Variants in KCTD3 observed in about 807,000 individuals in gnomAD.
KCTD3 encodes the protein BTB/POZ domain-containing protein KCTD3.
Under a neutral mutation model 85.8 loss-of-function variants are expected in KCTD3, and 41 were observed. The ratio of observed to expected loss-of-function variants is 0.48; its 90% CI spans 0.37 to 0.62. KCTD3 has a LOEUF of 0.62. Ranked by LOEUF, KCTD3 falls within the 20% of genes least tolerant of loss-of-function variation. The pLI, the probability that KCTD3 is intolerant of heterozygous loss-of-function variation, is 0.00. For synonymous variants in KCTD3, 338 were observed against 345.4 expected (o/e 0.98, Z 0.24); for missense variants, 724 against 989.9 (o/e 0.73, Z 3.60).
chr1:215,585,374 G>A (rs1395346549), intron 8 of KCTD3, among the ~76,000 whole-genome samples: 1 of 152,088 alleles, frequency 6.6e-6, no homozygotes. Context: ...AAATTAATAT[G>A]CTCAATTGTA....
rs1659179039 is a variant in KCTD3 at position 215,567,605 on chromosome 1, C to T, written c.-81C>T. 1 of 922,044 alleles carries T rather than the reference C, an allele frequency of 1.1e-6. No homozygotes were observed. The highest frequency in any genetic ancestry group is 1.4e-6 in the Non-Finnish European group (1 of 714,508). The allele number at this position is 922,044 out of a possible 1,614,324, so 57.1% of individuals were successfully genotyped here. ...CGCCCCGCTGGCCCTGCAGCCGTCG[C>T]CGCTGCCTCGGGCTACAGCCCCGGG... On this transcript the variant is annotated 5_prime_UTR_variant, in exon 1 of 18. Transcript: ENST00000259154.
intron 9 of KCTD3, among the ~76,000 whole-genome samples, chr1:215,590,469 T>A (rs1660168167): frequency 6.6e-6 from 1 of 152,182 alleles, no homozygotes; most frequent in South Asian, 2.1e-4. Flanking sequence ...CGCTCCCTCT[T>A]CCTCCTTTTG....
intron 15 of KCTD3, chr1:215,618,487 A>C (rs1655539312): frequency 5.9e-6 from 1 of 168,206 alleles, no homozygotes; most frequent in Non-Finnish European, 1.3e-5. Flanking sequence ...GGCTGGGATA[A>C]CTAATTCAGT....
intron 8 of KCTD3, among the ~76,000 whole-genome samples, chr1:215,583,238 G>A (rs184081217): frequency 7.9e-5 from 12 of 152,168 alleles, no homozygotes; most frequent in African/African-American, 2.9e-4. Flanking sequence ...GTTATTTCTT[G>A]ATTATATACT....
In KCTD3 at chr1:215,594,573, CCATACCCTTTTT is replaced by C. The variant is rs774533421; in HGVS notation, c.818-782_818-771del. On this transcript the variant is annotated intron_variant, in intron 9 of 17. Coordinates refer to ENST00000259154, the MANE Select transcript of KCTD3 (RefSeq NM_016121.5). ...CTAAGATATATTTTCAACCCCCTTT[CCATACCCTTTTT>C]ACCCCATAGATACTATTATACCCTG... Among the ~76,000 whole-genome samples, 191 of 152,294 alleles carry C rather than the reference CCATACCCTTTTT, an allele frequency of 1.3e-3. 2 individuals carry two copies. The highest frequency in any genetic ancestry group is 0.011 in the Admixed American group (173 of 15,304).
chr1:215,567,715 C>A lies in KCTD3; in HGVS notation c.30C>A (p.Pro10=), dbSNP rs1051573415. 4.0e-6 allele frequency: 5 copies of A among 1,242,644 alleles called. No individual in the cohort carries two copies. The African/African-American group carries it at 6.2e-5, about 15-fold the overall frequency. The allele number at this position is 1,242,644 out of a possible 1,614,324, so 77.0% of individuals were successfully genotyped here. A position where few individuals can be genotyped will look rare whatever the true frequency, so the allele number is the denominator to read the frequency against. The part of the protein sequence containing the change: MAGGHCGSF[P]AAAAGSGEIV... ...CGGGAGGGCACTGCGGCAGCTTCCC[C>A]GCGGCGGCGGCCGGCAGCGGCGAGA... The change falls in exon 1 of 18, where the codon CCC becomes CCA. Residue 10 remains proline (P), a synonymous_variant. Coordinates refer to ENST00000259154, the MANE Select transcript of KCTD3 (RefSeq NM_016121.5).
chr1:215,594,983 G>A (rs1660360174), intron 9 of KCTD3, among the ~76,000 whole-genome samples: 1 of 152,162 alleles, frequency 6.6e-6, no homozygotes, highest in Non-Finnish European at 1.5e-5. Context: ...TATGGATTTT[G>A]TAACAATACA....
At chr1:215,583,925 C>T (rs1354165969) in intron 8 of KCTD3, among the ~76,000 whole-genome samples, 1 of 152,170 alleles carries the variant, frequency 6.6e-6, no homozygotes, top group East Asian at 1.9e-4. Flanking sequence ...TGCATTCCTA[C>T]ACAAAGAGAA....
intron 9 of KCTD3, among the ~76,000 whole-genome samples, chr1:215,588,818 A>G (rs1342030882): frequency 6.6e-6 from 1 of 152,214 alleles, no homozygotes; most frequent in Admixed American, 6.5e-5. Context: ...TTGCAAGGCA[A>G]AAATACAATT....
rs1349546027 is a variant in KCTD3, at chr1:215,567,603, C to T, written c.-83C>T. 3.4e-6 allele frequency: 3 copies of T among 874,122 alleles called. No homozygotes were observed. In the African/African-American group the frequency reaches 5.2e-5, roughly 15 times the overall value. The allele number at this position is 874,122 out of a possible 1,614,324, so 54.1% of individuals were successfully genotyped here. A position where few individuals can be genotyped will look rare whatever the true frequency, so the allele number is the denominator to read the frequency against. On this transcript the variant is annotated 5_prime_UTR_variant, in exon 1 of 18. Coordinates refer to ENST00000259154, the MANE Select transcript of KCTD3 (RefSeq NM_016121.5). ...GCCGCCCCGCTGGCCCTGCAGCCGT[C>T]GCCGCTGCCTCGGGCTACAGCCCCG...
Position 215,620,945 on chromosome 1 carries a change from A to T in KCTD3, c.*327A>T, listed in dbSNP as rs1655664824. On this transcript the variant is annotated 3_prime_UTR_variant, in exon 18 of 18. Transcript: ENST00000259154. ...CCCATATAGGTGAGCATCCCTTTAGATCATGGGAACCAGCAGACTGCATTC... is the reference window on the plus strand; with the variant it reads ...CCCATATAGGTGAGCATCCCTTTAGTTCATGGGAACCAGCAGACTGCATTC... 1 of 295,952 alleles carries T rather than the reference A, an allele frequency of 3.4e-6. No homozygotes were observed. The highest frequency in any genetic ancestry group is 6.2e-6 in the Non-Finnish European group (1 of 161,476). The allele number at this position is 295,952 out of a possible 1,614,324, so 18.3% of individuals were successfully genotyped here. A position where few individuals can be genotyped will look rare whatever the true frequency, so the allele number is the denominator to read the frequency against.
In KCTD3 at chr1:215,578,076, C is replaced by A; in HGVS notation, c.392C>A (p.Pro131Gln). The change falls in exon 6 of 18, where the codon CCA becomes CAA. Residue 131 changes from proline to glutamine, a missense_variant. Transcript: ENST00000259154. ...GSVLFHGYLP[P>Q]PGIPSRKINN... ...GTCCTTTTTCATGGTTACTTGCCCC[C>A]ACCAGGTATTTTCACTTTATTAAAT... 1 of 1,609,538 alleles carries A rather than the reference C, an allele frequency of 6.2e-7. No individual in the cohort carries two copies. The highest frequency in any genetic ancestry group is 8.5e-7 in the Non-Finnish European group (1 of 1,177,296).
chr1:215,580,065 A>G (rs1659758148), intron 8 of KCTD3, 66 bp downstream of exon 8: 2 of 1,063,476 alleles, frequency 1.9e-6, no homozygotes, highest in Admixed American at 3.9e-5. Context: ...GTGATTTTAT[A>G]TTTTTAGATT....
chr1:215,579,741 G>A (rs534358013), intron 7 of KCTD3, among the ~76,000 whole-genome samples, 168 bp from the exon 8 acceptor site: 13 of 152,134 alleles, frequency 8.5e-5, no homozygotes, highest in South Asian at 8.3e-4. Flanking sequence ...CTCATGATCC[G>A]CCCGCCTCGG....
chr1:215,618,038 T>TCCCATGTACATGTAAAA (rs1227734685), intron 15 of KCTD3: 2 of 434,970 alleles, frequency 4.6e-6, no homozygotes, highest in Non-Finnish European at 4.8e-6. Flanking sequence ...TTGTGAAGAT[T>TCCCATGTACATGTAAAA]CCCATGTACA....
intron 8 of KCTD3, chr1:215,580,823 A>G (rs1316901836): frequency 2.1e-5 from 6 of 282,470 alleles, no homozygotes; most frequent in Non-Finnish European, 4.3e-5. Context: ...GTTTACAGAT[A>G]TAGTTTAAAG....
chr1:215,588,209 G>A (rs898102901), intron 9 of KCTD3, among the ~76,000 whole-genome samples: 2 of 152,108 alleles, frequency 1.3e-5, no homozygotes, highest in Admixed American at 6.5e-5. Context: ...AATGAACAGA[G>A]CAGCTCCTGT....
rs565517079 is a variant in KCTD3, at chr1:215,620,870, C to A, written c.*252C>A. The A allele has an allele frequency of 5.0e-5, 22 of 436,154 alleles. No individual in the cohort carries two copies. Among genetic ancestry groups the A allele is most frequent in the Non-Finnish European group, 7.6e-5 (19 of 249,240 alleles). The allele number at this position is 436,154 out of a possible 1,614,324, so 27.0% of individuals were successfully genotyped here. On this transcript the variant is annotated 3_prime_UTR_variant, in exon 18 of 18. Transcript: ENST00000259154. ...AAGCAGGAGTCCATTTTAACACTTACCGACTTTTTTTGGTTTGGAAACATA... is the reference window on the plus strand; with the variant it reads ...AAGCAGGAGTCCATTTTAACACTTAACGACTTTTTTTGGTTTGGAAACATA...
chr1:215,578,511 T>A (rs991149228), intron 6 of KCTD3, among the ~76,000 whole-genome samples: 1 of 152,212 alleles, frequency 6.6e-6, no homozygotes, highest in East Asian at 1.9e-4. Context: ...GATAAGTCAG[T>A]GTCACCTCAG....
Sources: gnomAD v4.1 joint callset for allele counts (sites outside exome capture counted in the v4.1 genomes callset) on GRCh38, gnomAD v4.1.1 for gene constraint, MANE v1.5 for transcripts, NCBI Gene and HGNC (gene_info 2026-07-23, HGNC 2026-07-21) for gene names.